CCDC7: variants seen among roughly 807,000 people sequenced by gnomAD.
CCDC7 encodes the protein coiled-coil domain containing 7, also known as coiled-coil domain-containing protein 7.
In CCDC7, 183 loss-of-function variants were observed where a neutral mutation model predicts 196.9. That is an observed-to-expected ratio of 0.93 (90% confidence interval 0.82 to 1.05). The LOEUF (loss-of-function observed/expected upper bound fraction) is 1.05, where lower values mean the gene tolerates loss of function less well. Ranked by LOEUF, CCDC7 falls within the 50% of genes least tolerant of loss-of-function variation. The probability of loss-of-function intolerance (pLI) is 0.00; values close to 1 mark genes in which losing one functional copy is unlikely to be tolerated. For missense variants in CCDC7, 1,540 were observed against 1,482.2 expected, an observed-to-expected ratio of 1.04 and a Z score of -0.64; for synonymous variants, 525 against 484.6, an observed-to-expected ratio of 1.08 and a Z score of -1.10.
At chr10:32,830,123 T>TATATATATATATATATATATATATATGG (rs2091973539) in intron 32 of CCDC7, among the ~76,000 whole-genome samples, 19 of 100,414 alleles carry the variant, frequency 1.9e-4, no homozygotes, top group Non-Finnish European at 3.7e-4. Context: ...TATATAAGGA[T>TATATATATATATATATATATATATATGG]ATATATATAT....
chr10:32,616,034 C>G (rs2062731162), intron 18 of CCDC7, among the ~76,000 whole-genome samples: 1 of 151,910 alleles, frequency 6.6e-6, no homozygotes, highest in African/African-American at 2.4e-5. Flanking sequence ...ATTTTTATAC[C>G]AGCACCATGT....
intron 39 of CCDC7, among the ~76,000 whole-genome samples, chr10:32,850,078 C>CA (rs2093489167): frequency 6.6e-6 from 1 of 152,086 alleles, no homozygotes; most frequent in East Asian, 1.9e-4. Flanking sequence ...GATAAGGAAA[C>CA]AATACCAGGA....
intron 28 of CCDC7, among the ~76,000 whole-genome samples, chr10:32,777,681 A>G (rs900003460): frequency 2.6e-5 from 4 of 151,700 alleles, no homozygotes; most frequent in African/African-American, 9.7e-5. Flanking sequence ...ACATGGTGAA[A>G]CCCCATCTCT....
chr10:32,523,069 T>C (rs1217501792), intron 11 of CCDC7, among the ~76,000 whole-genome samples: 1 of 152,222 alleles, frequency 6.6e-6, no homozygotes, highest in African/African-American at 2.4e-5. Context: ...AAGACTTGTT[T>C]TGTGACCTAA....
intron 41 of CCDC7, among the ~76,000 whole-genome samples, chr10:32,857,307 C>A (rs1034238305): frequency 2.0e-5 from 3 of 152,146 alleles, no homozygotes; most frequent in Non-Finnish European, 4.4e-5. Context: ...CACTTTCCAT[C>A]CAACAGCAGC....
chr10:32,767,107 G>T (rs2078435448), intron 28 of CCDC7, among the ~76,000 whole-genome samples: 1 of 152,022 alleles, frequency 6.6e-6, no homozygotes, highest in South Asian at 2.1e-4. Context: ...TTACTGTGGA[G>T]AGGGCACCAA....
chr10:32,502,144 C>T (rs1027695067), intron 9 of CCDC7, among the ~76,000 whole-genome samples: 7 of 152,142 alleles, frequency 4.6e-5, no homozygotes, highest in South Asian at 2.1e-4. Flanking sequence ...TTCAAGCCAG[C>T]GGATCTTAGT....
chr10:32,570,690 C>T (rs953862813), intron 15 of CCDC7, among the ~76,000 whole-genome samples: 3 of 152,194 alleles, frequency 2.0e-5, no homozygotes, highest in African/African-American at 7.2e-5. Flanking sequence ...GAGTAATTTT[C>T]ATTGACCTGG....
Position 32,876,350 on chromosome 10 carries a change from T to TA in CCDC7, c.4116dup (p.His1373ThrfsTer?), listed in dbSNP as rs1427618565. The TA allele has an allele frequency of 6.2e-7, 1 of 1,610,228 alleles. No individual in the cohort carries two copies. Among genetic ancestry groups the TA allele is most frequent in the Non-Finnish European group, 8.5e-7 (1 of 1,177,568 alleles). ...AACACATAACTTTTCTTTAAAGTGT[T>TA]ACATGCTGCTGCCCGAAAATCTGTA... On this transcript the variant is annotated frameshift_variant, in exon 42 of 42. Transcript: ENST00000639629. LOFTEE classifies it low-confidence loss of function (END_TRUNC).
At chr10:32,639,102 C>T (rs1364966019) in intron 20 of CCDC7, among the ~76,000 whole-genome samples, 1 of 152,056 alleles carries the variant, frequency 6.6e-6, no homozygotes, top group Non-Finnish European at 1.5e-5. Context: ...TTTATTGCTT[C>T]TATTTCATTC....
intron 9 of CCDC7, among the ~76,000 whole-genome samples, chr10:32,515,178 A>G (rs1305904827): frequency 6.6e-6 from 1 of 152,190 alleles, no homozygotes; most frequent in African/African-American, 2.4e-5. Flanking sequence ...GATTCAATGT[A>G]ATTACTTTCA....
chr10:32,547,587 AT>A (rs1034944658), intron 13 of CCDC7, among the ~76,000 whole-genome samples: 1 of 149,990 alleles, frequency 6.7e-6, no homozygotes, highest in Non-Finnish European at 1.5e-5. Flanking sequence ...GTCTTATTTT[AT>A]TAAAAAAAAA....
chr10:32,464,601 C>G (rs1303881153), intron 5 of CCDC7, among the ~76,000 whole-genome samples: 1 of 152,122 alleles, frequency 6.6e-6, no homozygotes, highest in Non-Finnish European at 1.5e-5. Context: ...CCTTGACCTC[C>G]CGGGCTCAGG....
intron 11 of CCDC7, among the ~76,000 whole-genome samples, chr10:32,524,105 G>T (rs2135683958): frequency 6.8e-6 from 1 of 146,174 alleles, no homozygotes; most frequent in Non-Finnish European, 1.5e-5. Context: ...GACTTTGTCT[G>T]GTGGTTTGCT....
At chr10:32,796,147 G>C (rs76831368) in intron 29 of CCDC7, among the ~76,000 whole-genome samples, 4 of 151,932 alleles carry the variant, frequency 2.6e-5, no homozygotes, top group African/African-American at 9.7e-5. Flanking sequence ...GCAGGGACAA[G>C]TCGCTGTCTG....
At chr10:32,446,952 TCCC>T (rs1166472474), upstream of CCDC7, among the ~76,000 whole-genome samples, 5 of 94,336 alleles carry the variant, frequency 5.3e-5, 1 homozygote, top group African/African-American at 1.8e-4. Context: ...CCTTCCTCCC[TCCC>T]TCCCTCCCTC....
At chr10:32,596,351 T>A (rs529235465) in intron 18 of CCDC7, among the ~76,000 whole-genome samples, 4 of 152,194 alleles carry the variant, frequency 2.6e-5, no homozygotes, top group Admixed American at 2.6e-4. Context: ...ATACTAGGAT[T>A]GCAACCCTTA....
intron 9 of CCDC7, among the ~76,000 whole-genome samples, chr10:32,510,609 TTTTTG>T (rs1210194859): frequency 6.6e-6 from 1 of 152,208 alleles, no homozygotes; most frequent in Non-Finnish European, 1.5e-5. Context: ...AATGTATAGC[TTTTTG>T]TTTTGTTTTG....
intron 27 of CCDC7, 67 bp from the exon 29 acceptor site, chr10:32,729,265 G>A (rs2083560803): frequency 7.1e-7 from 1 of 1,413,716 alleles, no homozygotes; most frequent in Admixed American, 2.4e-5. Flanking sequence ...ACTTCCATGG[G>A]TTGAAATTCT....
Sources: gnomAD v4.1 joint callset for allele counts (sites outside exome capture counted in the v4.1 genomes callset) on GRCh38, gnomAD v4.1.1 for gene constraint, MANE v1.5 for transcripts, NCBI Gene and HGNC (gene_info 2026-07-23, HGNC 2026-07-21) for gene names.